The following SLC38A12 variants were observed in gnomAD, a reference collection of about 807,000 sequenced individuals.
SLC38A12 encodes putative sodium-coupled neutral amino acid transporter 12.
At chr17:74,795,592 G>C in the SLC38A12 span, 1 of 1,613,998 alleles carries the variant, frequency 6.2e-7, no homozygotes, top group South Asian at 1.1e-5. Context: ...GACCGGTGCT[G>C]GGGGCCCCTG....
At chr17:74,834,676 CTG>C in the SLC38A12 span, among the ~76,000 whole-genome samples, 1 of 152,350 alleles carries the variant, frequency 6.6e-6, no homozygotes, top group East Asian at 1.9e-4. Flanking sequence ...AGCCACCGAG[CTG>C]TGAGCTGGCC....
the SLC38A12 span, among the ~76,000 whole-genome samples, chr17:74,829,981 TG>T: frequency 3.3e-5 from 5 of 152,276 alleles, no homozygotes; most frequent in African/African-American, 1.2e-4. This position sits in a 1 kb window ranked among gnomAD's most constrained non-coding sequence, Gnocchi z 4.1. Flanking sequence ...GCCCTTATGT[TG>T]ATGCCCAAGG....
the SLC38A12 span, among the ~76,000 whole-genome samples, chr17:74,831,835 G>A: frequency 1.3e-5 from 2 of 152,234 alleles, no homozygotes; most frequent in East Asian, 3.9e-4. Context: ...CGAGGTGGGC[G>A]CAGGCTGTCT....
the SLC38A12 span, among the ~76,000 whole-genome samples, chr17:74,811,978 C>G: frequency 0.036 from 5,473 of 151,402 alleles, 329 homozygotes; most frequent in African/African-American, 0.12. Context: ...CCTAGGAGTT[C>G]GGGGCTGCAG....
chr17:74,802,399 GCTT>G, the SLC38A12 span, among the ~76,000 whole-genome samples: 9 of 152,174 alleles, frequency 5.9e-5, no homozygotes, highest in Middle Eastern at 3.2e-3. Context: ...GCAGGCAGTG[GCTT>G]CTTCTCCCTA....
At chr17:74,806,116 G>A in the SLC38A12 span, among the ~76,000 whole-genome samples, 3 of 152,182 alleles carry the variant, frequency 2.0e-5, no homozygotes, top group East Asian at 3.8e-4. Context: ...TCCCAAGGGA[G>A]CTGAGGGGCT....
chr17:74,836,530 G>C, the SLC38A12 span: 1 of 1,613,038 alleles, frequency 6.2e-7, no homozygotes, highest in Non-Finnish European at 8.5e-7. This position sits in a 1 kb window ranked among gnomAD's most constrained non-coding sequence, Gnocchi z 4.2. Flanking sequence ...GTGTACCACT[G>C]CCGCAGGGAC....
At chr17:74,794,690 C>T in the SLC38A12 span, among the ~76,000 whole-genome samples, 1 of 152,128 alleles carries the variant, frequency 6.6e-6, no homozygotes, top group African/African-American at 2.4e-5. Context: ...TCTCTCCTCC[C>T]TCCTCCCACC....
chr17:74,798,513 C>T, the SLC38A12 span, among the ~76,000 whole-genome samples: 227 of 152,336 alleles, frequency 1.5e-3, no homozygotes, highest in African/African-American at 4.9e-3. Context: ...CTGTGCTTCC[C>T]GGCGCGGCTG....
At chr17:74,777,287 G>A in the SLC38A12 span, 14 of 1,613,120 alleles carry the variant, frequency 8.7e-6, no homozygotes, top group African/African-American at 1.6e-4. Flanking sequence ...CGCCGTCCTT[G>A]CACCTAAGGA....
At chr17:74,806,198 CTT>C in the SLC38A12 span, among the ~76,000 whole-genome samples, 1 of 152,298 alleles carries the variant, frequency 6.6e-6, no homozygotes, top group South Asian at 2.1e-4. Flanking sequence ...CTCACGCTCT[CTT>C]GTTCTTAGGA....
the SLC38A12 span, among the ~76,000 whole-genome samples, chr17:74,801,188 C>G: frequency 6.6e-6 from 1 of 152,222 alleles, no homozygotes; most frequent in East Asian, 1.9e-4. Flanking sequence ...CTTCTCCCTC[C>G]CAACGCACCT....
At chr17:74,785,819 T>C in the SLC38A12 span, 76 of 549,390 alleles carry the variant, frequency 1.4e-4, no homozygotes, top group African/African-American at 1.4e-3. Context: ...ACAGCCCTGA[T>C]CAGATAAAAA....
At chr17:74,828,845 G>GT in the SLC38A12 span, among the ~76,000 whole-genome samples, 1 of 152,134 alleles carries the variant, frequency 6.6e-6, no homozygotes, top group Non-Finnish European at 1.5e-5. Flanking sequence ...CTGGACCAAG[G>GT]TTGGTGGCAG....
At chr17:74,795,733 G>A in the SLC38A12 span, 1 of 912,092 alleles carries the variant, frequency 1.1e-6, no homozygotes, top group Non-Finnish European at 1.7e-6. Context: ...TCCCCAGAGA[G>A]GAGGATCTAC....
At chr17:74,806,180 C>T in the SLC38A12 span, among the ~76,000 whole-genome samples, 1 of 152,204 alleles carries the variant, frequency 6.6e-6, no homozygotes, top group Admixed American at 6.5e-5. Flanking sequence ...CACAGCCCAC[C>T]TGTTCCTCTC....
chr17:74,832,298 G>A, the SLC38A12 span, among the ~76,000 whole-genome samples: 2 of 152,086 alleles, frequency 1.3e-5, no homozygotes, highest in African/African-American at 2.4e-5. Flanking sequence ...TGCTGGTTTG[G>A]AGACCAGGCT....
At chr17:74,776,563 CT>C in the SLC38A12 span, 1 of 141,808 alleles carries the variant, frequency 7.1e-6, no homozygotes, top group Non-Finnish European at 1.5e-5. Flanking sequence ...GGCTTGGGAG[CT>C]GGCTGTGCTG....
the SLC38A12 span, among the ~76,000 whole-genome samples, chr17:74,799,956 T>G: frequency 1.3e-5 from 2 of 152,222 alleles, no homozygotes; most frequent in African/African-American, 2.4e-5. Flanking sequence ...TGCATCGGTG[T>G]AGCACATACC....
Sources: gnomAD v4.1 joint callset for allele counts (sites outside exome capture counted in the v4.1 genomes callset) on GRCh38, gnomAD v4.1.1 for gene constraint, Gnocchi (gnomAD v3.1) non-coding constraint, MANE v1.5 for transcripts, NCBI Gene and HGNC (gene_info 2026-07-23, HGNC 2026-07-21) for gene names.